The following YTHDC1 variants were observed in gnomAD, a reference collection of about 807,000 sequenced individuals.
YTHDC1 encodes the protein YTH N6-methyladenosine RNA binding protein C1.
In YTHDC1, 12 loss-of-function variants were observed where a neutral mutation model predicts 107.0. The observed-to-expected ratio is 0.11, with a 90% CI of 0.07 to 0.18. The LOEUF (loss-of-function observed/expected upper bound fraction) is 0.18. Ranked by LOEUF, YTHDC1 falls within the 10% of genes least tolerant of loss-of-function variation. YTHDC1 has a pLI of 1.00. For missense variants in YTHDC1, 635 were observed against 898.8 expected, an observed-to-expected ratio of 0.71 and a Z score of 3.75; for synonymous variants, 280 against 289.5, an observed-to-expected ratio of 0.97 and a Z score of 0.33.
intron 1 of YTHDC1, among the ~76,000 whole-genome samples, chr4:68,341,132 T>C (rs565258806): frequency 1.1e-4 from 16 of 152,268 alleles, no homozygotes; most frequent in Non-Finnish European, 2.2e-4. Context: ...TTCATTACTT[T>C]GCAGATAAAG....
chr4:68,334,821 C>T (rs1386862989), intron 4 of YTHDC1, among the ~76,000 whole-genome samples: 2 of 151,924 alleles, frequency 1.3e-5, no homozygotes, highest in African/African-American at 4.8e-5. Flanking sequence ...CTCAGGAGTT[C>T]GAGACCAGCC....
rs758871383 is a variant in YTHDC1, at chr4:68,337,007, T to C, written c.883+20A>G. ...ATCAAGCTTTTTTTAAGACAAACTT[T>C]TACATATAAAAAGTAGTACCTGATC... On this transcript the variant is annotated intron_variant, in intron 4 of 16. Transcript: ENST00000344157. 1 of 1,551,532 alleles carries C rather than the reference T, an allele frequency of 6.4e-7. No individual in the cohort carries two copies. The highest frequency in any genetic ancestry group is 1.2e-5 in the South Asian group (1 of 80,698).
chr4:68,333,423 T>A (rs772329612), intron 4 of YTHDC1, 26 bp from the exon 5 acceptor site: 79 of 1,489,552 alleles, frequency 5.3e-5, no homozygotes, highest in African/African-American at 1.4e-4. Flanking sequence ...GTTTTTTTTT[T>A]AAATCACAAT....
intron 16 of YTHDC1, among the ~76,000 whole-genome samples, chr4:68,315,482 G>GA (rs1427362826): frequency 1.3e-5 from 2 of 151,998 alleles, no homozygotes; most frequent in African/African-American, 2.4e-5. Context: ...GTAGGGAGTG[G>GA]AAAAAAATTC....
chr4:68,334,626 T>TC lies in YTHDC1; in HGVS notation c.884-1230dup, dbSNP rs532356428. On this transcript the variant is annotated intron_variant, in intron 4 of 16. Coordinates refer to ENST00000344157, the MANE Select transcript of YTHDC1 (RefSeq NM_001031732.4). ...GTTCTGACATGTTTCTTCTAATTTT[T>TC]CCCCCATGGATATTTCTTTCAGTAG... Among the ~76,000 whole-genome samples the TC allele has an allele frequency of 2.5e-3, 383 of 152,322 alleles. 1 individual carries two copies. The highest frequency in any genetic ancestry group is 9.0e-3 in the African/African-American group (375 of 41,578).
In YTHDC1 at chr4:68,337,401, G is replaced by T. The variant is rs1257534823; in HGVS notation, c.509C>A (p.Ser170Tyr). Reference protein sequence around the residue: ...DRRASRSSQSSKEEVNSEEYG... With the variant: ...DRRASRSSQSYKEEVNSEEYG... ...TTCTTCAGAGTTCACTTCTTCCTTA[G>T]AAGACTGGCTGGATCTGCTTGCACG... The change falls in exon 4 of 17, where the codon TCT (serine) becomes TAT (tyrosine). Residue 170 changes from serine to tyrosine, a missense_variant. By Grantham distance (144) the Ser-to-Tyr change is moderately radical. Around this residue, in one of 5 missense-constraint regions of YTHDC1, gnomAD observed 294 missense variants for 312.3 expected, o/e 0.94. Coordinates refer to ENST00000344157, the MANE Select transcript of YTHDC1 (RefSeq NM_001031732.4). The T allele has an allele frequency of 6.2e-7, 1 of 1,614,098 alleles. No homozygotes were observed. Among genetic ancestry groups the T allele is most frequent in the Non-Finnish European group, 8.5e-7 (1 of 1,180,026 alleles).
In YTHDC1 at chr4:68,337,726, C is replaced by G. The variant is rs1235436044; in HGVS notation, c.305G>C (p.Arg102Thr). 1 of 1,614,000 alleles carries G rather than the reference C, an allele frequency of 6.2e-7. No individual in the cohort carries two copies. The highest frequency in any genetic ancestry group is 8.5e-7 in the Non-Finnish European group (1 of 1,180,002). ...ATCTAGACGCTTGTTTCTTTCAGAT[C>G]TTTGATATTCCTCATTTTTATACTC... The part of the protein sequence containing the change: ...ATEYKNEEYQ[R>T]SERNKRLDAD... The change falls in exon 3 of 17, where the codon AGA becomes ACA. Residue 102 changes from arginine (R) to threonine (T), a missense_variant. Around this residue, in one of 5 missense-constraint regions of YTHDC1, gnomAD observed 294 missense variants for 312.3 expected, o/e 0.94. Transcript: ENST00000344157.
At chr4:68,327,974 T>A (rs1723178414) in intron 9 of YTHDC1, among the ~76,000 whole-genome samples, 1 of 152,146 alleles carries the variant, frequency 6.6e-6, no homozygotes, top group African/African-American at 2.4e-5. Flanking sequence ...AAAAGCACTT[T>A]ACTGCCCACA....
At position 68,316,234 on chromosome 4, in the gene YTHDC1, A is replaced by G. The variant is rs1410177275; in HGVS notation, c.1959+80T>C. The G allele has an allele frequency of 5.5e-6, 8 of 1,450,252 alleles. No individual in the cohort carries two copies. The African/African-American group carries it at 1.1e-4, about 21-fold the overall frequency. 89.8% of individuals were successfully genotyped at this position (1,450,252 alleles called of 1,614,324 possible). ...AATATGCAATGGTCCGTCAATCATC[A>G]TACTCTGGTCTCCCCATATTTAAGT... On this transcript the variant is annotated intron_variant, in intron 16 of 16. Transcript: ENST00000344157.
chr4:68,341,656 A>C lies in YTHDC1; in HGVS notation c.29-3272T>G, dbSNP rs115124890. ...CACAAAGTCTATTTGGCCCTTTACA[A>C]AGAGTTTTGCCAACCCCTGATATAA... On this transcript the variant is annotated intron_variant, in intron 1 of 16. Transcript: ENST00000344157. Among the ~76,000 whole-genome samples, 473 of 152,282 alleles carry C rather than the reference A, an allele frequency of 3.1e-3. 2 individuals are homozygous for C. The highest frequency in any genetic ancestry group is 0.011 in the African/African-American group (449 of 41,550).
In YTHDC1 at chr4:68,333,294, C is replaced by G; in HGVS notation, c.973+14G>C. The G allele has an allele frequency of 6.3e-7, 1 of 1,595,366 alleles. No individual in the cohort carries two copies. Among genetic ancestry groups the G allele is most frequent in the Non-Finnish European group, 8.6e-7 (1 of 1,168,282 alleles). ...ATTAGAATCAAGTCAGATATGATCA[C>G]AAAATGAGAATACCTGCATATGACT... On this transcript the variant is annotated intron_variant, in intron 5 of 16. Transcript: ENST00000344157.
Position 68,333,981 on chromosome 4 carries a change from T to C in YTHDC1, c.884-584A>G, listed in dbSNP as rs189261592. Among the ~76,000 whole-genome samples the C allele has an allele frequency of 1.1e-3, 160 of 152,292 alleles. 1 individual carries two copies. The highest frequency in any genetic ancestry group is 3.4e-3 in the Middle Eastern group (1 of 294). On this transcript the variant is annotated intron_variant, in intron 4 of 16. Transcript: ENST00000344157. ...TTCCTCCCTGGATTACTGCTCTTAT[T>C]TTCAAATTCAATTTAAAATTTATCC... is the stretch of plus-strand genomic sequence containing the variant.
chr4:68,329,721 A>G (rs373803697), intron 9 of YTHDC1, among the ~76,000 whole-genome samples: 8 of 152,256 alleles, frequency 5.3e-5, no homozygotes, highest in South Asian at 2.1e-4. Flanking sequence ...CCATTCCTCA[A>G]TAACTTAAGT....
chr4:68,320,587 T>C (rs1468821714), intron 11 of YTHDC1, among the ~76,000 whole-genome samples: 3 of 152,006 alleles, frequency 2.0e-5, no homozygotes, highest in Admixed American at 2.0e-4. Context: ...AGATGAAAAA[T>C]AAAAACTAGA....
chr4:68,323,268 T>G (rs1414927670), intron 10 of YTHDC1, among the ~76,000 whole-genome samples: 1 of 152,192 alleles, frequency 6.6e-6, no homozygotes, highest in African/African-American at 2.4e-5. Flanking sequence ...CATGTTAGTG[T>G]GTGTACCAAC....
intron 12 of YTHDC1, among the ~76,000 whole-genome samples, chr4:68,319,297 A>T (rs990880564): frequency 6.6e-6 from 1 of 152,054 alleles, no homozygotes; most frequent in African/African-American, 2.4e-5. Context: ...CTTAAGGGGG[A>T]GGGGGAAAAA....
intron 4 of YTHDC1, among the ~76,000 whole-genome samples, chr4:68,334,134 T>C (rs1723896728): frequency 6.6e-6 from 1 of 152,252 alleles, no homozygotes; most frequent in African/African-American, 2.4e-5. Context: ...TGTAAGCATA[T>C]ACATGAGGAC....
At chr4:68,327,168 G>C (rs1041660922) in intron 9 of YTHDC1, among the ~76,000 whole-genome samples, 3 of 151,880 alleles carry the variant, frequency 2.0e-5, no homozygotes, top group Non-Finnish European at 4.4e-5. Flanking sequence ...CCCGGGAGGC[G>C]GAAGTTGTGG....
chr4:68,339,470 T>C (rs1032423778), intron 1 of YTHDC1, among the ~76,000 whole-genome samples: 4 of 152,228 alleles, frequency 2.6e-5, no homozygotes, highest in Non-Finnish European at 4.4e-5. Flanking sequence ...TAAGTAGCAA[T>C]GTTATTTTTC....
Sources: allele counts gnomAD v4.1 joint callset (sites outside exome capture counted in the v4.1 genomes callset), GRCh38; gene constraint gnomAD v4.1.1; regional missense constraint gnomAD v4.1.1; transcripts MANE v1.5; gene names NCBI Gene and HGNC (gene_info 2026-07-23, HGNC 2026-07-21).